The following AHNAK variants were observed in gnomAD, a reference collection of about 807,000 sequenced individuals.
AHNAK encodes neuroblast differentiation-associated protein AHNAK.
In AHNAK, 23 loss-of-function variants were observed where a neutral mutation model predicts 37.8. The observed-to-expected ratio is 0.61, with a 90% CI of 0.44 to 0.86. The LOEUF is 0.86. Among genes scored for constraint, AHNAK ranks in the 40% least tolerant of loss-of-function variants. The pLI, the probability that AHNAK is intolerant of heterozygous loss-of-function variation, is 0.00. For synonymous variants in AHNAK, 2,481 were observed against 2,636.3 expected (o/e 0.94, Z 1.80); for missense variants, 7,411 against 7,319.4 (o/e 1.01, Z -0.46).
Position 62,536,069 on chromosome 11 carries a change from C to A in AHNAK, c.30G>T (p.Leu10=). The A allele has an allele frequency of 6.3e-7, 1 of 1,599,608 alleles. No individual in the cohort carries two copies. Among genetic ancestry groups the A allele is most frequent in the Non-Finnish European group, 8.5e-7 (1 of 1,172,572 alleles). The change falls in exon 3 of 5, where the codon CTG becomes CTT. Residue 10 remains leucine (L), a synonymous_variant. Transcript: ENST00000378024. MEKEETTRE[L]LLPNWQGSGS... ...CACTACCCTGCCAGTTGGGCAGCAG[C>A]AGCTCCCGGGTTGTCTCCTCCTTCT...
intron 2 of AHNAK, 67 bp downstream of exon 2, chr11:62,536,402 C>T: frequency 3.3e-6 from 1 of 303,758 alleles, no homozygotes; most frequent in Non-Finnish European, 6.1e-6. Context: ...AGCCTCCCAT[C>T]CACACAGGGC....
rs1425848274 is a variant in AHNAK, at chr11:62,455,619, C to T, written c.443-21728G>A. Among the ~76,000 whole-genome samples the T allele has an allele frequency of 4.6e-5, 7 of 152,216 alleles. No individual in the cohort carries two copies. The East Asian group carries it at 1.4e-3, about 30-fold the overall frequency. ...ACTCAGGAGGCTGAGGCAGGAGAAT[C>T]ACTTGAACCTGGGAGGTGGAAGTTG... On this transcript the variant is annotated intron_variant, in intron 5 of 5. Transcript: ENST00000257247.
chr11:62,542,941 G>A (rs1370431249), intron 1 of AHNAK, among the ~76,000 whole-genome samples: 2 of 152,202 alleles, frequency 1.3e-5, no homozygotes, highest in Non-Finnish European at 2.9e-5. Flanking sequence ...TCTCCCCCCA[G>A]CGGTCGGACC....
rs751947161 is a variant in AHNAK, at chr11:62,521,119, A to T, written c.13298T>A (p.Val4433Asp). The change falls in exon 5 of 5, where the codon GTC becomes GAC. Residue 4433 changes from valine (V) to aspartate (D), a missense_variant. Val to Asp is a radical substitution (Grantham distance 152). Transcript: ENST00000378024. ...TTTTCCTTCCGGACCTTCAATATTGACATCAGGTGTGTCAATGTCCAAACT... is the reference window on the plus strand; with the variant it reads ...TTTTCCTTCCGGACCTTCAATATTGTCATCAGGTGTGTCAATGTCCAAACT... ...GPSLDIDTPD[V>D]NIEGPEGKLK... is the part of the protein sequence containing the mutation. The T allele has an allele frequency of 8.5e-5, 137 of 1,613,788 alleles. No individual in the cohort carries two copies. Among genetic ancestry groups the T allele is most frequent in the Non-Finnish European group, 1.1e-4 (126 of 1,179,994 alleles).
chr11:62,523,640 C>T lies in AHNAK; in HGVS notation c.10777G>A (p.Val3593Ile), dbSNP rs768952577. 3 of 1,614,094 alleles carry T rather than the reference C, an allele frequency of 1.9e-6. No homozygotes were observed. Among genetic ancestry groups the T allele is most frequent in the East Asian group, 2.2e-5 (1 of 44,878 alleles). The change falls in exon 5 of 5, where the codon GTT (valine) becomes ATT (isoleucine). Residue 3593 changes from valine to isoleucine, a missense_variant. Val to Ile is a conservative substitution (Grantham distance 29). Coordinates refer to ENST00000378024, the MANE Select transcript of AHNAK (RefSeq NM_001620.3). ...TTCAGATGCCAGTCTGGACCATGAA[C>T]ATCCACATCTGGGGCATTGATGTCC... Reference protein sequence around the residue: ...KVDINAPDVDVHGPDWHLKMP... With the variant: ...KVDINAPDVDIHGPDWHLKMP...
chr11:62,521,637 A>G lies in AHNAK; in HGVS notation c.12780T>C (p.Pro4260=). The G allele has an allele frequency of 6.2e-7, 1 of 1,613,756 alleles. No homozygotes were observed. The highest frequency in any genetic ancestry group is 8.5e-7 in the Non-Finnish European group (1 of 1,179,956). ...GACCTTTCAGATGCAAATCAAAGTC[A>G]GGCATGGAGATCTTGGGGGCTTTGA... is the stretch of plus-strand genomic sequence containing the variant. The part of the protein sequence containing the change: ...MNIKAPKISM[P]DFDLHLKGPK... The change falls in exon 5 of 5, where the codon CCT becomes CCC. Residue 4260 remains proline, a synonymous_variant. Transcript: ENST00000378024.
Position 62,518,513 on chromosome 11 carries a change from G to A in AHNAK, c.15904C>T (p.Leu5302Phe), listed in dbSNP as rs925188070. The A allele has an allele frequency of 2.5e-6, 4 of 1,613,954 alleles. No individual in the cohort carries two copies. Among genetic ancestry groups the A allele is most frequent in the Admixed American group, 3.3e-5 (2 of 59,990 alleles). Residue 5302 changes from leucine (L) to phenylalanine (F), a missense_variant, in exon 5 of 5, where the codon CTT becomes TTT. Transcript: ENST00000378024. The part of the protein sequence containing the change: ...LSMPKVSGPD[L>F]DLNLKGPSLK... Reference sequence around the variant, plus strand: ...CTTGGTCCTTTCAAGTTCAGATCAAGGTCAGGCCCAGAGACTTTTGGCATA... The same window carrying A: ...CTTGGTCCTTTCAAGTTCAGATCAAAGTCAGGCCCAGAGACTTTTGGCATA...
chr11:62,491,757 T>C, exon 5 of AHNAK: 1 of 1,612,580 alleles, frequency 6.2e-7, no homozygotes, highest in Non-Finnish European at 8.5e-7. Context: ...AGACTGAAAC[T>C]GCCCCGGCTT....
intron 5 of AHNAK, among the ~76,000 whole-genome samples, chr11:62,455,979 C>T (rs1395447434): frequency 6.6e-6 from 1 of 152,044 alleles, no homozygotes; most frequent in Non-Finnish European, 1.5e-5. Context: ...GCGTAAGTTG[C>T]AGTGAGCCAA....
intron 4 of AHNAK, among the ~76,000 whole-genome samples, chr11:62,509,134 G>A (rs1939863723): frequency 6.6e-6 from 1 of 151,998 alleles, no homozygotes; most frequent in Non-Finnish European, 1.5e-5. Flanking sequence ...GCCCCAAAAT[G>A]TATAACCTGA....
intron 5 of AHNAK, among the ~76,000 whole-genome samples, chr11:62,445,141 G>C (rs1045487630): frequency 5.3e-5 from 8 of 152,094 alleles, no homozygotes; most frequent in African/African-American, 1.9e-4. Flanking sequence ...ATGACACCTG[G>C]CCACACGTGA....
Position 62,525,159 on chromosome 11 carries a change from G to A in AHNAK, c.9258C>T (p.Ile3086=). The A allele has an allele frequency of 1.2e-6, 2 of 1,613,820 alleles. No individual in the cohort carries two copies. The highest frequency in any genetic ancestry group is 1.7e-6 in the Non-Finnish European group (2 of 1,180,002). ...CAGGCATGGAGATCTTGGGGGCTTT[G>A]ATGTTCATCTCAGGCATTTTGAATT... is the stretch of plus-strand genomic sequence containing the variant. ...GPKFKMPEMN[I]KAPKISMPDI... Residue 3086 remains isoleucine, a synonymous_variant, in exon 5 of 5, where the codon ATC becomes ATT. Coordinates refer to ENST00000378024, the MANE Select transcript of AHNAK (RefSeq NM_001620.3).
At chr11:62,433,680 C>T (rs762408443) in exon 6 of AHNAK, 28 of 643,680 alleles carry the variant, frequency 4.3e-5, no homozygotes, top group Non-Finnish European at 6.5e-5. Flanking sequence ...CCAAGCAGGG[C>T]TTATGCAGCA....
rs765674295 is a variant in AHNAK at position 62,524,524 on chromosome 11, A to C, written c.9893T>G (p.Ile3298Ser). 1.9e-6 allele frequency: 3 copies of C among 1,614,004 alleles called. No individual in the cohort carries two copies. The East Asian group carries it at 6.7e-5, about 36-fold the overall frequency. ...VNMPKISMPE[I>S]DLNLKGSKLK... is the part of the protein sequence containing the mutation. ...CTTTGAGCCTTTCAAATTCAAGTCA[A>C]TTTCTGGCATGGAGATCTTGGGCAT... Residue 3298 changes from isoleucine to serine, a missense_variant, in exon 5 of 5, where the codon ATT becomes AGT. Coordinates refer to ENST00000378024, the MANE Select transcript of AHNAK (RefSeq NM_001620.3).
chr11:62,443,753 T>A (rs904400291), intron 5 of AHNAK, among the ~76,000 whole-genome samples: 1 of 152,208 alleles, frequency 6.6e-6, no homozygotes, highest in East Asian at 1.9e-4. Context: ...GGGTTTCTCA[T>A]GTTAGGTTCA....
At chr11:62,496,364 T>C (rs1192028275) in intron 4 of AHNAK, among the ~76,000 whole-genome samples, 1 of 152,154 alleles carries the variant, frequency 6.6e-6, no homozygotes, top group Non-Finnish European at 1.5e-5. Flanking sequence ...GAGATTAATA[T>C]TAAGATACTC....
At chr11:62,469,286 TA>T (rs544177838) in intron 5 of AHNAK, among the ~76,000 whole-genome samples, 185 of 152,216 alleles carry the variant, frequency 1.2e-3, no homozygotes, top group African/African-American at 4.3e-3. Context: ...CACACCCATC[TA>T]ATTTTTATAT....
At chr11:62,470,217 G>A (rs1939004538) in intron 5 of AHNAK, among the ~76,000 whole-genome samples, 1 of 152,198 alleles carries the variant, frequency 6.6e-6, no homozygotes. Context: ...GGAAGCTGAG[G>A]TGGGCAGATC....
At chr11:62,508,280 A>C (rs573563645) in intron 4 of AHNAK, among the ~76,000 whole-genome samples, 1 of 152,310 alleles carries the variant, frequency 6.6e-6, no homozygotes, top group South Asian at 2.1e-4. Flanking sequence ...TCTTTTTTTA[A>C]TCAGAAAGCT....
Sources: gnomAD v4.1 joint callset for allele counts (sites outside exome capture counted in the v4.1 genomes callset) on GRCh38, gnomAD v4.1.1 for gene constraint, MANE v1.5 for transcripts, NCBI Gene and HGNC (gene_info 2026-07-23, HGNC 2026-07-21) for gene names.